Variants in RMST observed in about 807,000 individuals in gnomAD.
The protein encoded by RMST is long intergenic non-protein coding RNA 54.
At chr12:97,504,422 A>AAAAG (rs1565925610) in intron 10 of RMST, among the ~76,000 whole-genome samples, 1 of 151,618 alleles carries the variant, frequency 6.6e-6, no homozygotes, top group Non-Finnish European at 1.5e-5. Flanking sequence ...AAAAAAAAAA[A>AAAAG]AAGAATGCAC....
chr12:97,512,835 G>A (rs958913547), intron 10 of RMST, among the ~76,000 whole-genome samples: 1 of 152,240 alleles, frequency 6.6e-6, no homozygotes, highest in Non-Finnish European at 1.5e-5. Context: ...GTGGAGCAGG[G>A]GGCGGCGTGT....
At position 97,479,133 on chromosome 12, in the gene RMST, C is replaced by CTTTTTTTTTT. The variant is rs386377507; in HGVS notation, n.645-13313_645-13304dup. 5.8e-4 allele frequency among the ~76,000 whole-genome samples: 40 copies of CTTTTTTTTTT among 69,044 alleles called. 2 individuals carry two copies. The highest frequency in any genetic ancestry group is 1.7e-3 in the Admixed American group (7 of 4,106). The allele number at this position is 69,044 out of a possible 152,430, so 45.3% of individuals were successfully genotyped here. A position where few individuals can be genotyped will look rare whatever the true frequency, so the allele number is the denominator to read the frequency against. ...TACTTTGGGTGTTTCCTTGTCTTTGCTTTTTTTTTTTTTTTTTTTTTTTTG... is the reference window on the plus strand; with the variant it reads ...TACTTTGGGTGTTTCCTTGTCTTTGCTTTTTTTTTTTTTTTTTTTTTTTTTTTTTTTTTTG... On this transcript the variant is annotated intron_variant and non_coding_transcript_variant, in intron 5 of 13. Coordinates refer to ENST00000640149, the Ensembl canonical transcript of RMST.
chr12:97,528,341 C>T (rs1290289378), intron 10 of RMST, among the ~76,000 whole-genome samples: 2 of 151,994 alleles, frequency 1.3e-5, no homozygotes, highest in Non-Finnish European at 2.9e-5. Context: ...TAATGACTGC[C>T]TATGATTAAT....
At chr12:97,515,196 T>G (rs1221239710) in intron 10 of RMST, among the ~76,000 whole-genome samples, 4 of 152,176 alleles carry the variant, frequency 2.6e-5, no homozygotes, top group African/African-American at 9.6e-5. Context: ...ACTAGTTTCC[T>G]TTACACTCTT....
chr12:97,475,865 A>T (rs955610509), intron 5 of RMST, among the ~76,000 whole-genome samples: 1 of 152,222 alleles, frequency 6.6e-6, no homozygotes, highest in African/African-American at 2.4e-5. Flanking sequence ...GCCCTTGGTT[A>T]TGATATTAGA....
At chr12:97,465,158 G>A (rs558469581) in intron 4 of RMST, 11 of 152,344 alleles carry the variant, frequency 7.2e-5, no homozygotes, top group African/African-American at 2.6e-4. Context: ...TTCTGCTGGG[G>A]GAGTAAGAAG....
intron 5 of RMST, among the ~76,000 whole-genome samples, chr12:97,489,045 C>A (rs1213605426): frequency 6.6e-6 from 1 of 152,058 alleles, no homozygotes; most frequent in Non-Finnish European, 1.5e-5. Flanking sequence ...TCACTGCCAT[C>A]GAGGTCAATT....
At chr12:97,507,616 G>C (rs1003121453) in intron 10 of RMST, among the ~76,000 whole-genome samples, 1 of 152,168 alleles carries the variant, frequency 6.6e-6, no homozygotes, top group African/African-American at 2.4e-5. Flanking sequence ...CAATTTAATG[G>C]GGCTGGAGAG....
intron 10 of RMST, among the ~76,000 whole-genome samples, chr12:97,500,663 C>T (rs376105021): frequency 1.6e-4 from 24 of 152,166 alleles, no homozygotes; most frequent in African/African-American, 3.1e-4. Flanking sequence ...CCTGGGATGC[C>T]GATATTATGA....
chr12:97,475,476 C>A (rs1404318016), intron 5 of RMST, among the ~76,000 whole-genome samples: 6 of 152,100 alleles, frequency 3.9e-5, no homozygotes, highest in South Asian at 4.2e-4. Flanking sequence ...AAATTCCAGA[C>A]CTACTACGAC....
chr12:97,531,618 G>A (rs1480634912), intron 11 of RMST, among the ~76,000 whole-genome samples: 2 of 151,916 alleles, frequency 1.3e-5, no homozygotes, highest in African/African-American at 2.4e-5. Context: ...GTACAAAGAG[G>A]GAGGAAGAGG....
chr12:97,512,251 G>A (rs61943699), intron 10 of RMST, among the ~76,000 whole-genome samples: 2,331 of 152,300 alleles, frequency 0.015, 26 homozygotes, highest in Non-Finnish European at 0.024. Flanking sequence ...GGCTTCAGGA[G>A]TGAAGCTGCA....
At chr12:97,484,559 C>CCAT (rs1444294138) in intron 5 of RMST, among the ~76,000 whole-genome samples, 1 of 152,076 alleles carries the variant, frequency 6.6e-6, no homozygotes, top group Non-Finnish European at 1.5e-5. Flanking sequence ...CAAGATCTTC[C>CCAT]CATCTATTTC....
intron 5 of RMST, among the ~76,000 whole-genome samples, chr12:97,475,587 G>GT (rs58995040): frequency 0.12 from 16,676 of 140,884 alleles, 1,035 homozygotes; most frequent in East Asian, 0.17. Context: ...CTTTTTTTTT[G>GT]TTTTTTTTTT....
At chr12:97,497,866 T>A (rs1877625261) in intron 10 of RMST, among the ~76,000 whole-genome samples, 1 of 152,130 alleles carries the variant, frequency 6.6e-6, no homozygotes, top group Non-Finnish European at 1.5e-5. Context: ...CGCTATGCTA[T>A]GTTAATAAGT....
At chr12:97,485,608 C>T (rs557719379) in intron 5 of RMST, among the ~76,000 whole-genome samples, 25 of 152,164 alleles carry the variant, frequency 1.6e-4, no homozygotes, top group Admixed American at 7.2e-4. Context: ...TGTTATGAGC[C>T]GACATTGTCA....
intron 5 of RMST, among the ~76,000 whole-genome samples, chr12:97,490,682 G>T (rs1876691943): frequency 6.6e-6 from 1 of 152,088 alleles, no homozygotes; most frequent in South Asian, 2.1e-4. Context: ...CTTTCATATA[G>T]AAAAAGAAGA....
intron 5 of RMST, among the ~76,000 whole-genome samples, chr12:97,483,045 A>G (rs914910906): frequency 2.8e-4 from 43 of 152,018 alleles, no homozygotes; most frequent in African/African-American, 1.0e-3. Flanking sequence ...TTTTCAAATG[A>G]ATGAATGAAT....
chr12:97,555,427 A>T (rs1883633376), intron 11 of RMST, among the ~76,000 whole-genome samples: 1 of 152,208 alleles, frequency 6.6e-6, no homozygotes, highest in Non-Finnish European at 1.5e-5. Flanking sequence ...ACTTGGATTA[A>T]AATCCAACAT....
Sources: gnomAD v4.1 joint callset for allele counts (sites outside exome capture counted in the v4.1 genomes callset) on GRCh38, gnomAD v4.1.1 for gene constraint, MANE v1.5 for transcripts, NCBI Gene and HGNC (gene_info 2026-07-23, HGNC 2026-07-21) for gene names.